The following OXA1L variants were observed in gnomAD, a reference collection of about 807,000 sequenced individuals.
OXA1L encodes the protein mitochondrial inner membrane protein OXA1L.
A neutral mutation model predicts 52.2 loss-of-function variants in OXA1L; 42 were observed. The observed-to-expected ratio is 0.80, with a 90% confidence interval of 0.63 to 1.04. The LOEUF is 1.04. OXA1L is among the 50% of genes least tolerant of loss of function. The pLI is 0.00. For synonymous variants in OXA1L, 239 were observed against 201.9 expected, an observed-to-expected ratio of 1.18 and a Z score of -1.56; for missense variants, 572 against 555.0, an observed-to-expected ratio of 1.03 and a Z score of -0.31.
In OXA1L at chr14:22,767,989, C is replaced by A. The variant is rs1223120578; in HGVS notation, c.257C>A (p.Pro86His). The A allele has an allele frequency of 6.2e-7, 1 of 1,613,676 alleles. No homozygotes were observed. Among genetic ancestry groups the A allele is most frequent in the Non-Finnish European group, 8.5e-7 (1 of 1,179,606 alleles). ...VQAPPVVAAT[P>H]SPTAVPEVAS... ...GCCCCTCCTGTTGTTGCTGCAACTC[C>A]CTCACCCACAGCAGTACCTGAGGTG... Residue 86 changes from proline to histidine, a missense_variant, in exon 3 of 10, where the codon CCC (proline) becomes CAC (histidine). This residue lies in a region of OXA1L where 186 missense variants were observed against 151.8 expected (regional missense o/e 1.23). Coordinates refer to ENST00000612549, the MANE Select transcript of OXA1L (RefSeq NM_005015.5).
In OXA1L at chr14:22,770,454, G is replaced by GT. The variant is rs780421289; in HGVS notation, c.670-6dup. On this transcript the variant is annotated splice_region_variant and splice_polypyrimidine_tract_variant and intron_variant, in intron 5 of 9. Coordinates refer to ENST00000612549, the MANE Select transcript of OXA1L (RefSeq NM_005015.5). The stretch of plus-strand genomic sequence containing the variant: ...AGCATGCTGACACTGTTTATCTTGT[G>GT]TAATAGGCCCCAATCTTCATCTCCT... 3.1e-6 allele frequency: 5 copies of GT among 1,612,074 alleles called. No homozygotes were observed. Among genetic ancestry groups the GT allele is most frequent in the Non-Finnish European group, 4.2e-6 (5 of 1,178,414 alleles).
rs56136068 is a variant in OXA1L, at chr14:22,772,488, C to CAAAAAAAAAAAAAAAA, written c.*946_*961dup. On this transcript the variant is annotated 3_prime_UTR_variant, in exon 10 of 10. Coordinates refer to ENST00000612549, the MANE Select transcript of OXA1L (RefSeq NM_005015.5). ...TGGGCAAGAGAGTGAGACTCCTTCTCAAAAAAAAAAAAAAAAAAAAAAAAA... is the reference window on the plus strand; with the variant it reads ...TGGGCAAGAGAGTGAGACTCCTTCTCAAAAAAAAAAAAAAAAAAAAAAAAAAAAAAAAAAAAAAAAA... 1.4e-4 allele frequency: 11 copies of CAAAAAAAAAAAAAAAA among 76,000 alleles called. No individual in the cohort carries two copies. Among genetic ancestry groups the CAAAAAAAAAAAAAAAA allele is most frequent in the African/African-American group, 6.3e-4 (10 of 15,978 alleles). 4.7% of individuals were successfully genotyped at this position (76,000 alleles called of 1,614,324 possible). A position where few individuals can be genotyped will look rare whatever the true frequency, so the allele number is the denominator to read the frequency against.
At chr14:22,769,339 A>G (rs1023070532) in intron 3 of OXA1L, among the ~76,000 whole-genome samples, 3 of 152,178 alleles carry the variant, frequency 2.0e-5, no homozygotes, top group African/African-American at 7.2e-5. Context: ...TTCACTTAAC[A>G]TAGTGATCTC....
At chr14:22,767,105 C>G in intron 1 of OXA1L, 143 bp from the exon 2 acceptor site, 13 of 1,534,180 alleles carry the variant, frequency 8.5e-6, no homozygotes, top group Non-Finnish European at 1.0e-5. Context: ...GGCTAGCGGT[C>G]TGCGCGCGGT....
intron 1 of OXA1L, 196 bp from the exon 2 acceptor site, chr14:22,767,052 G>T: frequency 6.5e-7 from 1 of 1,536,176 alleles, no homozygotes; most frequent in Non-Finnish European, 8.7e-7. Context: ...GGGAACCCAG[G>T]TTCGAGCTTC....
Position 22,767,274 on chromosome 14 carries a change from A to G in OXA1L, c.90A>G (p.Gln30=), listed in dbSNP as rs753587618. ...TCCACAGCGTCGCAGGGCCCTCGCA[A>G]TGGCTTGGGAAACCGCTGACCACAC... is the stretch of plus-strand genomic sequence containing the variant. ...RRVHSVAGPS[Q]WLGKPLTTRL... is the part of the protein sequence containing the mutation. Residue 30 remains glutamine (Q), a synonymous_variant, in exon 2 of 10, where the codon CAA becomes CAG. Coordinates refer to ENST00000612549, the MANE Select transcript of OXA1L (RefSeq NM_005015.5). The G allele has an allele frequency of 5.0e-6, 8 of 1,612,190 alleles. No homozygotes were observed. Among genetic ancestry groups the G allele is most frequent in the East Asian group, 2.2e-5 (1 of 44,854 alleles).
Position 22,772,720 on chromosome 14 carries a change from G to A in OXA1L, c.*1162G>A, listed in dbSNP as rs146933909. 1.0e-4 allele frequency: 16 copies of A among 152,410 alleles called. No individual in the cohort carries two copies. Among genetic ancestry groups the A allele is most frequent in the Admixed American group, 7.8e-4 (12 of 15,310 alleles). The allele number at this position is 152,410 out of a possible 1,614,324, so 9.4% of individuals were successfully genotyped here. A position where few individuals can be genotyped will look rare whatever the true frequency, so the allele number is the denominator to read the frequency against. On this transcript the variant is annotated 3_prime_UTR_variant, in exon 10 of 10. Coordinates refer to ENST00000612549, the MANE Select transcript of OXA1L (RefSeq NM_005015.5). ...AATTAAGAATGAAAGTTCCAGGCTG[G>A]GCAAAGTGGCTCACACCTATAATCT...
At position 22,772,965 on chromosome 14, in the gene OXA1L, T is replaced by A; in HGVS notation, c.*1407T>A. 4.1e-6 allele frequency: 1 copy of A among 241,714 alleles called. No individual in the cohort carries two copies. The highest frequency in any genetic ancestry group is 5.4e-5 in the South Asian group (1 of 18,646). 15.0% of individuals were successfully genotyped at this position (241,714 alleles called of 1,614,324 possible). A position where few individuals can be genotyped will look rare whatever the true frequency, so the allele number is the denominator to read the frequency against. On this transcript the variant is annotated 3_prime_UTR_variant, in exon 10 of 10. Transcript: ENST00000612549. ...AGATCATGCTGCTATACTCCAGCCT[T>A]GGCTACAGAGCAAGATCCTGTCTCA...
Position 22,771,157 on chromosome 14 carries a change from G to C in OXA1L, c.1079G>C (p.Gly360Ala). ...CTGGACAAATTACCTCCACGGGAAG[G>C]CTTCCTAGAGAGCTTCAAAAAAGGT... Reference protein sequence around the residue: ...HDLDKLPPREGFLESFKKGWK... With the variant: ...HDLDKLPPREAFLESFKKGWK... Residue 360 changes from glycine to alanine, a missense_variant, in exon 8 of 10, where the codon GGC becomes GCC. Coordinates refer to ENST00000612549, the MANE Select transcript of OXA1L (RefSeq NM_005015.5). The C allele has an allele frequency of 6.2e-7, 1 of 1,614,070 alleles. No homozygotes were observed. Among genetic ancestry groups the C allele is most frequent in the Non-Finnish European group, 8.5e-7 (1 of 1,179,974 alleles).
rs1233580747 is a variant in OXA1L at position 22,771,579 on chromosome 14, T to C, written c.*21T>C. 1.2e-6 allele frequency: 2 copies of C among 1,613,722 alleles called. No homozygotes were observed. Among genetic ancestry groups the C allele is most frequent in the Admixed American group, 3.3e-5 (2 of 60,006 alleles). ...GCTGACTTATGTTCTGTGCGCATTC[T>C]GGCAGGAATTCTGTCTCTTCAGAGA... is the stretch of plus-strand genomic sequence containing the variant. On this transcript the variant is annotated 3_prime_UTR_variant, in exon 10 of 10. Coordinates refer to ENST00000612549, the MANE Select transcript of OXA1L (RefSeq NM_005015.5).
chr14:22,767,112 C>T (rs927845653), intron 1 of OXA1L, 136 bp from the exon 2 acceptor site: 2 of 1,533,358 alleles, frequency 1.3e-6, no homozygotes, highest in African/African-American at 1.4e-5. Context: ...GGTCTGCGCG[C>T]GGTGATAGCA....
chr14:22,767,221 G>A, intron 1 of OXA1L, 27 bp from the exon 2 acceptor site: 3 of 1,589,644 alleles, frequency 1.9e-6, no homozygotes, highest in Non-Finnish European at 2.6e-6. Flanking sequence ...CCGGTAAAGG[G>A]GCTCCATCAT....
chr14:22,769,644 C>T (rs1808646400), intron 3 of OXA1L, 147 bp from the exon 4 acceptor site: 1 of 790,578 alleles, frequency 1.3e-6, no homozygotes, highest in Admixed American at 2.6e-5. Context: ...AATTCATTCC[C>T]CTGACCTTAT....
At position 22,767,515 on chromosome 14, in the gene OXA1L, A is replaced by G. The variant is rs539368046; in HGVS notation, c.225+106A>G. 9 of 916,558 alleles carry G rather than the reference A, an allele frequency of 9.8e-6. No homozygotes were observed. In the East Asian group the frequency reaches 2.0e-4, roughly 20 times the overall value. 56.8% of individuals were successfully genotyped at this position (916,558 alleles called of 1,614,324 possible). On this transcript the variant is annotated intron_variant, in intron 2 of 9. Transcript: ENST00000612549. Reference sequence around the variant, plus strand: ...GGAATATGGAGCAGAGTTCTTGTCCACGCTCCACACAGCTCTCCAAAATGA... The same window carrying G: ...GGAATATGGAGCAGAGTTCTTGTCCGCGCTCCACACAGCTCTCCAAAATGA...
intron 6 of OXA1L, 83 bp downstream of exon 6, chr14:22,770,708 T>G (rs1442950208): frequency 6.4e-7 from 1 of 1,550,728 alleles, no homozygotes. Flanking sequence ...TGGTCATCCT[T>G]CACTTGCTGG....
intron 2 of OXA1L, 55 bp downstream of exon 2, chr14:22,767,464 A>G (rs757336370): frequency 8.6e-6 from 13 of 1,509,108 alleles, no homozygotes; most frequent in East Asian, 2.3e-5. Flanking sequence ...GGTTGGTTTC[A>G]TATTTTGTTT....
rs560071789 is a variant in OXA1L, at chr14:22,771,570, T to C, written c.*12T>C. The C allele has an allele frequency of 6.2e-7, 1 of 1,614,118 alleles. No homozygotes were observed. Among genetic ancestry groups the C allele is most frequent in the South Asian group, 1.1e-5 (1 of 91,086 alleles). ...ACACACTTGGCTGACTTATGTTCTG[T>C]GCGCATTCTGGCAGGAATTCTGTCT... On this transcript the variant is annotated 3_prime_UTR_variant, in exon 10 of 10. Transcript: ENST00000612549.
intron 2 of OXA1L, 100 bp downstream of exon 2, chr14:22,767,509 T>C: frequency 1.0e-6 from 1 of 1,003,760 alleles, no homozygotes; most frequent in South Asian, 1.6e-5. Context: ...AGCAGAGTTC[T>C]TGTCCACGCT....
At position 22,772,854 on chromosome 14, in the gene OXA1L, G is replaced by A. The variant is rs898370771; in HGVS notation, c.*1296G>A. On this transcript the variant is annotated 3_prime_UTR_variant, in exon 10 of 10. Transcript: ENST00000612549. ...TCTGCTAAAAAGTTAGCTGAGCATG[G>A]TGGTGCTTGTCCATAGTCCCAGCTA... The A allele has an allele frequency of 1.9e-4, 31 of 166,472 alleles. No individual in the cohort carries two copies. Among genetic ancestry groups the A allele is most frequent in the African/African-American group, 6.5e-4 (27 of 41,626 alleles). 10.3% of individuals were successfully genotyped at this position (166,472 alleles called of 1,614,324 possible). A position where few individuals can be genotyped will look rare whatever the true frequency, so the allele number is the denominator to read the frequency against.
Sources: allele counts gnomAD v4.1 joint callset (sites outside exome capture counted in the v4.1 genomes callset), GRCh38; gene constraint gnomAD v4.1.1; regional missense constraint gnomAD v4.1.1; transcripts MANE v1.5; gene names NCBI Gene and HGNC (gene_info 2026-07-23, HGNC 2026-07-21).